Variants in DDX10 observed in about 807,000 individuals in gnomAD.
DDX10 encodes the protein DEAD-box helicase 10, also known as probable ATP-dependent RNA helicase DDX10.
In DDX10, 74 loss-of-function variants were observed where a neutral mutation model predicts 104.3. The ratio of observed to expected loss-of-function variants is 0.71; its 90% CI spans 0.59 to 0.86. The LOEUF (loss-of-function observed/expected upper bound fraction) is 0.86. DDX10 is among the 40% of genes least tolerant of loss of function. DDX10 has a pLI of 0.00. For missense variants in DDX10, 952 were observed against 1,040.0 expected (o/e 0.92, Z 1.16); for synonymous variants, 351 against 353.4 (o/e 0.99, Z 0.08).
At chr11:108,773,098 C>T (rs755117446) in intron 13 of DDX10, among the ~76,000 whole-genome samples, 12 of 152,326 alleles carry the variant, frequency 7.9e-5, no homozygotes, top group Admixed American at 3.9e-4. Flanking sequence ...TAACTACTTT[C>T]TCACTGCCAA....
chr11:108,811,240 A>G (rs1396984864), intron 13 of DDX10, among the ~76,000 whole-genome samples: 2 of 152,338 alleles, frequency 1.3e-5, no homozygotes, highest in African/African-American at 4.8e-5. Flanking sequence ...ATGGAGATAA[A>G]TGGTATGTAT....
chr11:108,790,440 G>A (rs934222396), intron 13 of DDX10, among the ~76,000 whole-genome samples: 1 of 152,112 alleles, frequency 6.6e-6, no homozygotes. Context: ...AATCTATATT[G>A]CCTTTTCTCA....
intron 13 of DDX10, among the ~76,000 whole-genome samples, chr11:108,789,778 A>T (rs1861845785): frequency 6.6e-6 from 1 of 152,216 alleles, no homozygotes; most frequent in Non-Finnish European, 1.5e-5. Context: ...TACTTACATG[A>T]TGAGAAACCT....
At chr11:108,931,864 C>G (rs1424345982) in intron 17 of DDX10, among the ~76,000 whole-genome samples, 2 of 152,024 alleles carry the variant, frequency 1.3e-5, no homozygotes, top group Non-Finnish European at 2.9e-5. Context: ...CTTGTGGAAG[C>G]CTAAAAGCAT....
chr11:108,685,522 G>C (rs189774382), intron 6 of DDX10, among the ~76,000 whole-genome samples: 2 of 152,078 alleles, frequency 1.3e-5, no homozygotes, highest in South Asian at 2.1e-4. Flanking sequence ...GCTGTAGACC[G>C]GAGCTGTTCC....
intron 10 of DDX10, among the ~76,000 whole-genome samples, chr11:108,710,364 A>C (rs1372711908): frequency 6.6e-6 from 1 of 152,170 alleles, no homozygotes. Flanking sequence ...CTTAAAACCC[A>C]CATTATACAG....
chr11:108,810,433 G>A (rs1862163541), intron 13 of DDX10, among the ~76,000 whole-genome samples: 1 of 152,154 alleles, frequency 6.6e-6, no homozygotes. Context: ...AATAGGAGAT[G>A]CTGCACCCAA....
intron 13 of DDX10, among the ~76,000 whole-genome samples, chr11:108,797,340 T>C (rs1266856915): frequency 6.6e-6 from 1 of 152,150 alleles, no homozygotes; most frequent in East Asian, 1.9e-4. Context: ...CCTAAACTTT[T>C]GTTCTTTATA....
intron 13 of DDX10, among the ~76,000 whole-genome samples, chr11:108,731,902 C>T (rs924331189): frequency 2.6e-5 from 4 of 152,172 alleles, no homozygotes; most frequent in African/African-American, 7.2e-5. Flanking sequence ...GAAGACTAAG[C>T]ACTTTTCCAG....
intron 16 of DDX10, among the ~76,000 whole-genome samples, chr11:108,910,550 A>G (rs1352943845): frequency 6.6e-6 from 1 of 152,228 alleles, no homozygotes; most frequent in East Asian, 1.9e-4. Context: ...CTACTTGTAA[A>G]TGAGTTTTCC....
intron 13 of DDX10, among the ~76,000 whole-genome samples, chr11:108,804,751 G>A (rs1450053361): frequency 6.6e-6 from 1 of 152,140 alleles, no homozygotes; most frequent in African/African-American, 2.4e-5. Context: ...TTTGACAGCT[G>A]TATGACCGAA....
At chr11:108,858,498 A>G (rs1218744515) in intron 16 of DDX10, among the ~76,000 whole-genome samples, 2 of 152,218 alleles carry the variant, frequency 1.3e-5, no homozygotes, top group Non-Finnish European at 2.9e-5. Context: ...GGCCTGCAGA[A>G]TACAGTGAAT....
Position 108,940,636 on chromosome 11 carries a change from AT to A in DDX10, c.*216del. ...ACTCAGATCGAGGGTGGATGATACC[AT>A]TTCCTGACCCCGTTTTCCAGCATGT... On this transcript the variant is annotated 3_prime_UTR_variant, in exon 18 of 18. Transcript: ENST00000322536. 1 of 402,510 alleles carries A rather than the reference AT, an allele frequency of 2.5e-6. No homozygotes were observed. Among genetic ancestry groups the A allele is most frequent in the Non-Finnish European group, 4.4e-6 (1 of 227,500 alleles). 24.9% of individuals were successfully genotyped at this position (402,510 alleles called of 1,614,324 possible).
intron 17 of DDX10, among the ~76,000 whole-genome samples, chr11:108,929,883 A>G (rs1356159314): frequency 6.6e-6 from 1 of 152,192 alleles, no homozygotes; most frequent in Non-Finnish European, 1.5e-5. Context: ...TTTTTACAGT[A>G]AACATGGAGT....
At chr11:108,823,064 C>G (rs1464544482) in intron 13 of DDX10, among the ~76,000 whole-genome samples, 1 of 152,160 alleles carries the variant, frequency 6.6e-6, no homozygotes, top group African/African-American at 2.4e-5. Context: ...TGATGTTTCT[C>G]TAGGTGATCC....
intron 13 of DDX10, among the ~76,000 whole-genome samples, chr11:108,730,276 G>C (rs949102328): frequency 6.6e-6 from 1 of 152,130 alleles, no homozygotes; most frequent in Non-Finnish European, 1.5e-5. Context: ...TCACCTCTTA[G>C]AGATTTCTCA....
intron 16 of DDX10, 133 bp from the exon 17 acceptor site, chr11:108,917,724 TTCTGAAAGTCACATAA>T (rs1863769390): frequency 1.4e-6 from 1 of 697,070 alleles, no homozygotes; most frequent in Non-Finnish European, 2.4e-6. Flanking sequence ...ATGGTTGTGG[TTCTGAAAGTCACATAA>T]GGGCCTACAC....
intron 14 of DDX10, 64 bp from the exon 15 acceptor site, chr11:108,841,251 A>C: frequency 7.2e-7 from 1 of 1,394,214 alleles, no homozygotes; most frequent in Non-Finnish European, 1.0e-6. Flanking sequence ...CATCAGACAA[A>C]ATGAAGTGTC....
chr11:108,907,039 TCC>T (rs1863605165), intron 16 of DDX10, among the ~76,000 whole-genome samples: 1 of 152,196 alleles, frequency 6.6e-6, no homozygotes. Context: ...CGAAGATCCT[TCC>T]GGTTTTGGAA....
Sources: allele counts gnomAD v4.1 joint callset (sites outside exome capture counted in the v4.1 genomes callset), GRCh38; gene constraint gnomAD v4.1.1; transcripts MANE v1.5; gene names NCBI Gene and HGNC (gene_info 2026-07-23, HGNC 2026-07-21).